The following NPFFR2 variants were observed in gnomAD, a reference collection of about 807,000 sequenced individuals.
NPFFR2 encodes neuropeptide FF receptor 2.
A neutral mutation model predicts 13.1 loss-of-function variants in NPFFR2; 15 were observed. The observed-to-expected ratio is 1.15, with a 90% CI of 0.77 to 1.76. The LOEUF (loss-of-function observed/expected upper bound fraction) is 1.76, where lower values mean the gene tolerates loss of function less well. Ranked by LOEUF, NPFFR2 falls within the 40% of genes most tolerant of loss-of-function variation. The pLI, the probability that NPFFR2 is intolerant of heterozygous loss-of-function variation, is 0.00. For synonymous variants in NPFFR2, 190 were observed against 175.7 expected, an observed-to-expected ratio of 1.08 and a Z score of -0.65; for missense variants, 572 against 503.5, an observed-to-expected ratio of 1.14 and a Z score of -1.30.
intron 1 of NPFFR2, among the ~76,000 whole-genome samples, chr4:72,102,400 A>G (rs1444712832): frequency 6.6e-5 from 10 of 151,374 alleles, no homozygotes; most frequent in Admixed American, 6.6e-4. Context: ...ATTATACTTT[A>G]AGTTTTAGGG....
chr4:72,084,525 C>T (rs1016926197), intron 1 of NPFFR2, among the ~76,000 whole-genome samples: 6 of 152,142 alleles, frequency 3.9e-5, no homozygotes, highest in Non-Finnish European at 5.9e-5. Flanking sequence ...TGGCAATAAA[C>T]TAACTTTGGT....
chr4:72,072,218 G>T (rs141631362), intron 1 of NPFFR2, among the ~76,000 whole-genome samples: 22 of 152,094 alleles, frequency 1.4e-4, no homozygotes, highest in African/African-American at 5.1e-4. Context: ...AAGGAAAACC[G>T]CACAAACTTC....
At chr4:72,108,789 T>C (rs886777302) in intron 1 of NPFFR2, among the ~76,000 whole-genome samples, 6 of 152,020 alleles carry the variant, frequency 3.9e-5, no homozygotes, top group African/African-American at 1.4e-4. Context: ...TTAGTGTTTA[T>C]CTTCAATTGC....
chr4:72,107,185 A>C lies in NPFFR2; in HGVS notation c.-7-21400A>C, dbSNP rs114272947. ...TCCTCTACCTTGATATTTAAAAAAT[A>C]TCTCTCACAAAGGGAGTTATATTTA... On this transcript the variant is annotated intron_variant, in intron 1 of 3. Coordinates refer to ENST00000308744, the MANE Select transcript of NPFFR2 (RefSeq NM_004885.3). 2.9e-3 allele frequency among the ~76,000 whole-genome samples: 443 copies of C among 151,886 alleles called. 1 individual carries two copies. Among genetic ancestry groups the C allele is most frequent in the African/African-American group, 0.01 (423 of 41,436 alleles).
At chr4:72,133,491 G>A (rs1180372865) in intron 2 of NPFFR2, among the ~76,000 whole-genome samples, 3 of 152,110 alleles carry the variant, frequency 2.0e-5, no homozygotes, top group Admixed American at 1.3e-4. Flanking sequence ...AGCTATTCAG[G>A]CTCTTTTTTG....
chr4:72,044,704 A>G (rs531909840), intron 1 of NPFFR2, among the ~76,000 whole-genome samples: 5 of 151,670 alleles, frequency 3.3e-5, no homozygotes, highest in Non-Finnish European at 7.4e-5. Context: ...TTCTTTTAAG[A>G]AATCTCTATT....
chr4:72,120,801 G>A (rs1239921760), intron 1 of NPFFR2, among the ~76,000 whole-genome samples: 1 of 152,040 alleles, frequency 6.6e-6, no homozygotes, highest in East Asian at 1.9e-4. Context: ...AAAATGAGGA[G>A]AAACCAGCAC....
chr4:72,049,817 C>G (rs928606213), intron 1 of NPFFR2, among the ~76,000 whole-genome samples: 1 of 151,956 alleles, frequency 6.6e-6, no homozygotes, highest in Non-Finnish European at 1.5e-5. Context: ...TATAGGAGCA[C>G]CTTTTATTAT....
At position 72,134,219 on chromosome 4, in the gene NPFFR2, G is replaced by A. The variant is rs151154118; in HGVS notation, c.329-3821G>A. Among the ~76,000 whole-genome samples, 778 of 152,190 alleles carry A rather than the reference G, an allele frequency of 5.1e-3. 8 individuals carry two copies. Among genetic ancestry groups the A allele is most frequent in the African/African-American group, 0.018 (753 of 41,528 alleles). Reference sequence around the variant, plus strand: ...GGTGAGGTTGCAGTGAGCCGAGATCGTGCCACTGCACTCCAGCCTGGGTGA... The same window carrying A: ...GGTGAGGTTGCAGTGAGCCGAGATCATGCCACTGCACTCCAGCCTGGGTGA... On this transcript the variant is annotated intron_variant, in intron 2 of 3. Coordinates refer to ENST00000308744, the MANE Select transcript of NPFFR2 (RefSeq NM_004885.3).
At chr4:72,066,898 C>T (rs76820540) in intron 1 of NPFFR2, among the ~76,000 whole-genome samples, 1,702 of 152,218 alleles carry the variant, frequency 0.011, 37 homozygotes, top group African/African-American at 0.038. Flanking sequence ...ACTGGCATTC[C>T]GCATTGGTGA....
chr4:72,140,720 C>CT lies in NPFFR2; in HGVS notation c.428+2589dup, dbSNP rs1031006945. Among the ~76,000 whole-genome samples the CT allele has an allele frequency of 7.7e-3, 1,168 of 151,942 alleles. 15 individuals carry two copies. Among genetic ancestry groups the CT allele is most frequent in the African/African-American group, 0.026 (1,088 of 41,424 alleles). On this transcript the variant is annotated intron_variant, in intron 3 of 3. Transcript: ENST00000308744. The stretch of plus-strand genomic sequence containing the variant: ...ATCAGGGATATTGGTCTAAAATTCT[C>CT]TTTTTTTTGGGGGGTGTCTCTACCA...
At chr4:72,050,101 A>C (rs1440552655) in intron 1 of NPFFR2, among the ~76,000 whole-genome samples, 1 of 152,028 alleles carries the variant, frequency 6.6e-6, no homozygotes, top group Non-Finnish European at 1.5e-5. Context: ...GATTTAACAA[A>C]TCATGCCTAT....
At chr4:72,072,279 T>A (rs1189958828) in intron 1 of NPFFR2, among the ~76,000 whole-genome samples, 2 of 151,948 alleles carry the variant, frequency 1.3e-5, no homozygotes, top group Non-Finnish European at 2.9e-5. Context: ...TTTGAACAAC[T>A]GTCTCAAAGA....
At chr4:72,079,979 C>A (rs182723920) in intron 1 of NPFFR2, among the ~76,000 whole-genome samples, 1 of 152,244 alleles carries the variant, frequency 6.6e-6, no homozygotes, top group Non-Finnish European at 1.5e-5. Context: ...CTGAGAGAGG[C>A]TCCTTGGATA....
At chr4:72,107,404 C>G (rs1721446743) in intron 1 of NPFFR2, among the ~76,000 whole-genome samples, 2 of 151,322 alleles carry the variant, frequency 1.3e-5, no homozygotes, top group African/African-American at 2.4e-5. Flanking sequence ...GTGTTGCTGA[C>G]CTTCACAATC....
chr4:72,054,354 A>G (rs1719679823), intron 1 of NPFFR2, among the ~76,000 whole-genome samples: 1 of 151,940 alleles, frequency 6.6e-6, no homozygotes, highest in African/African-American at 2.4e-5. Flanking sequence ...TTTATTTTAG[A>G]CAATGGATCC....
chr4:72,145,086 A>G (rs1722734284), intron 3 of NPFFR2, among the ~76,000 whole-genome samples: 1 of 152,024 alleles, frequency 6.6e-6, no homozygotes. Context: ...AGTAATTATT[A>G]TACAGTTTTT....
chr4:72,129,024 A>G (rs1041169812), intron 2 of NPFFR2, 105 bp downstream of exon 2: 8 of 911,534 alleles, frequency 8.8e-6, no homozygotes, highest in Middle Eastern at 3.0e-4. Flanking sequence ...ACATATATTT[A>G]TGGAATTCCA....
intron 1 of NPFFR2, among the ~76,000 whole-genome samples, chr4:72,127,512 C>T (rs1351885810): frequency 9.6e-5 from 14 of 145,198 alleles, no homozygotes; most frequent in South Asian, 4.5e-4. Context: ...CACAGGCGCC[C>T]GCCACCACGC....
Sources: gnomAD v4.1 joint callset for allele counts (sites outside exome capture counted in the v4.1 genomes callset) on GRCh38, gnomAD v4.1.1 for gene constraint, MANE v1.5 for transcripts, NCBI Gene and HGNC (gene_info 2026-07-23, HGNC 2026-07-21) for gene names.